Variants in FBXO28 observed in about 807,000 individuals in gnomAD.
The protein encoded by FBXO28 is F-box protein 28.
FBXO28 carries 8 observed loss-of-function variants against 38.1 expected under a neutral mutation model. That is an observed-to-expected ratio of 0.21 (90% CI 0.12 to 0.38). The LOEUF (loss-of-function observed/expected upper bound fraction) is 0.38. Among genes scored for constraint, FBXO28 ranks in the 10% least tolerant of loss-of-function variants. FBXO28 has a pLI of 1.00. For synonymous variants in FBXO28, 168 were observed against 173.8 expected (o/e 0.97, Z 0.26); for missense variants, 345 against 460.6 (o/e 0.75, Z 2.30).
chr1:224,135,554 C>G (rs6426144), intron 3 of FBXO28, among the ~76,000 whole-genome samples: 136,023 of 146,694 alleles, frequency 0.93, 63,865 homozygotes, highest in East Asian at 1. Flanking sequence ...GGAGGTTGCA[C>G]TGAGCCAAGA....
Position 224,161,154 on chromosome 1 carries a change from C to A in FBXO28, c.*3408C>A, listed in dbSNP as rs1040694180. 1 of 152,150 alleles carries A rather than the reference C, an allele frequency of 6.6e-6. No individual in the cohort carries two copies. Among genetic ancestry groups the A allele is most frequent in the Non-Finnish European group, 1.5e-5 (1 of 68,020 alleles). 9.4% of individuals were successfully genotyped at this position (152,150 alleles called of 1,614,324 possible). ...TGAATTAGTTTCTTGGAGGTAGATT[C>A]ATTTCTTGAGTTCTCTGTTTCCTTA... is the stretch of plus-strand genomic sequence containing the variant. On this transcript the variant is annotated 3_prime_UTR_variant, in exon 5 of 5. Coordinates refer to ENST00000366862, the MANE Select transcript of FBXO28 (RefSeq NM_015176.4).
At chr1:224,154,609 C>T (rs1188592501) in intron 4 of FBXO28, among the ~76,000 whole-genome samples, 1 of 151,090 alleles carries the variant, frequency 6.6e-6, no homozygotes, top group East Asian at 2.0e-4. Flanking sequence ...GAGATGGAGA[C>T]CATCCTGGCT....
intron 3 of FBXO28, among the ~76,000 whole-genome samples, chr1:224,143,109 T>TA (rs1161622070): frequency 1.4e-5 from 2 of 147,846 alleles, no homozygotes; most frequent in Non-Finnish European, 3.0e-5. Context: ...GCTAAATAAA[T>TA]ACATATATTA....
intron 3 of FBXO28, among the ~76,000 whole-genome samples, chr1:224,141,545 C>T (rs1217173487): frequency 6.6e-6 from 1 of 151,716 alleles, no homozygotes; most frequent in Non-Finnish European, 1.5e-5. Flanking sequence ...ATTGTTAGGT[C>T]ACTTTGTCAT....
chr1:224,133,010 A>G (rs1417131540), intron 2 of FBXO28, among the ~76,000 whole-genome samples: 2 of 152,208 alleles, frequency 1.3e-5, no homozygotes, highest in African/African-American at 2.4e-5. Context: ...TCAGCTGATG[A>G]GCAAACAAAG....
chr1:224,120,031 A>G (rs555935579), intron 1 of FBXO28, among the ~76,000 whole-genome samples: 116 of 152,334 alleles, frequency 7.6e-4, no homozygotes, highest in African/African-American at 2.6e-3. Flanking sequence ...TCCGTCTCGT[A>G]TCATCATCAT....
intron 3 of FBXO28, among the ~76,000 whole-genome samples, chr1:224,148,621 C>T (rs1354502506): frequency 6.6e-6 from 1 of 151,548 alleles, no homozygotes; most frequent in Non-Finnish European, 1.5e-5. Flanking sequence ...AAGATCGCAC[C>T]ACCGCACTCC....
In FBXO28 at chr1:224,160,648, G is replaced by C. The variant is rs1185019265; in HGVS notation, c.*2902G>C. On this transcript the variant is annotated 3_prime_UTR_variant, in exon 5 of 5. Coordinates refer to ENST00000366862, the MANE Select transcript of FBXO28 (RefSeq NM_015176.4). ...ATAATGGAGCAAACGCAAATGTATT[G>C]AGAGTCATTATACTTTAAAATAGTT... 2 of 151,376 alleles carry C rather than the reference G, an allele frequency of 1.3e-5. No individual in the cohort carries two copies. Among genetic ancestry groups the C allele is most frequent in the African/African-American group, 4.9e-5 (2 of 41,078 alleles). The allele number at this position is 151,376 out of a possible 1,614,324, so 9.4% of individuals were successfully genotyped here.
rs1400151687 is a variant in FBXO28 at position 224,158,039 on chromosome 1, C to A, written c.*293C>A. ...ATGTTGAAAGTAAGTTAATTTGTTT[C>A]TGCATATATGCACATACATACGTAA... On this transcript the variant is annotated 3_prime_UTR_variant, in exon 5 of 5. Coordinates refer to ENST00000366862, the MANE Select transcript of FBXO28 (RefSeq NM_015176.4). 8.8e-7 allele frequency: 1 copy of A among 1,140,890 alleles called. No homozygotes were observed. Among genetic ancestry groups the A allele is most frequent in the African/African-American group, 1.6e-5 (1 of 62,158 alleles). 70.7% of individuals were successfully genotyped at this position (1,140,890 alleles called of 1,614,324 possible).
At chr1:224,138,805 C>T (rs1657262008) in intron 3 of FBXO28, among the ~76,000 whole-genome samples, 1 of 151,370 alleles carries the variant, frequency 6.6e-6, no homozygotes, top group African/African-American at 2.4e-5. Flanking sequence ...GTCTTGAACG[C>T]CTAGACTCAA....
chr1:224,124,114 CA>C (rs1656848247), intron 1 of FBXO28, among the ~76,000 whole-genome samples: 1 of 151,502 alleles, frequency 6.6e-6, no homozygotes, highest in African/African-American at 2.4e-5. Context: ...CCATCTCAAA[CA>C]AAAAAAGACT....
intron 3 of FBXO28, among the ~76,000 whole-genome samples, chr1:224,140,923 G>A (rs1657330156): frequency 1.4e-5 from 2 of 141,942 alleles, no homozygotes; most frequent in Admixed American, 7.4e-5. Flanking sequence ...TCCAGCCTGG[G>A]CAACAGAGTG....
At chr1:224,143,719 C>A (rs1055021912) in intron 3 of FBXO28, among the ~76,000 whole-genome samples, 1 of 151,916 alleles carries the variant, frequency 6.6e-6, no homozygotes, top group Non-Finnish European at 1.5e-5. Context: ...ACCTGTAGTC[C>A]CAGCTACTTG....
At chr1:224,137,830 A>T (rs981061294) in intron 3 of FBXO28, among the ~76,000 whole-genome samples, 24 of 151,830 alleles carry the variant, frequency 1.6e-4, no homozygotes, top group African/African-American at 5.4e-4. Flanking sequence ...TACCTCTCCA[A>T]TTGCAGGCAA....
chr1:224,143,458 C>T (rs887779780), intron 3 of FBXO28, among the ~76,000 whole-genome samples: 1 of 152,116 alleles, frequency 6.6e-6, no homozygotes, highest in Middle Eastern at 3.2e-3. Flanking sequence ...GGGTGGATAA[C>T]GACCTGGTGC....
At chr1:224,152,293 A>G (rs1657666385) in intron 3 of FBXO28, among the ~76,000 whole-genome samples, 1 of 152,178 alleles carries the variant, frequency 6.6e-6, no homozygotes, top group Non-Finnish European at 1.5e-5. Flanking sequence ...TCAGAGAAAC[A>G]AAACTTAAAG....
chr1:224,148,948 G>A (rs1163635415), intron 3 of FBXO28, among the ~76,000 whole-genome samples: 2 of 152,052 alleles, frequency 1.3e-5, no homozygotes, highest in Non-Finnish European at 2.9e-5. Context: ...CTTATACATT[G>A]AACTTATTAC....
intron 3 of FBXO28, among the ~76,000 whole-genome samples, chr1:224,135,642 G>GAA (rs1161298897): frequency 2.9e-5 from 4 of 139,736 alleles, no homozygotes; most frequent in Non-Finnish European, 6.2e-5. Context: ...AAAAGAAAAA[G>GAA]AAAAAGAAAA....
chr1:224,154,744 C>T lies in FBXO28; in HGVS notation c.712+1407C>T, dbSNP rs144115239. 1.2e-3 allele frequency among the ~76,000 whole-genome samples: 177 copies of T among 150,620 alleles called. 1 individual carries two copies. In the East Asian group the frequency reaches 0.028, roughly 24 times the overall value. The stretch of plus-strand genomic sequence containing the variant: ...AATGGCATGAACCCAGGAGGCGGAG[C>T]TTGCAGTGAGCCGAGATTGATCGTG... On this transcript the variant is annotated intron_variant, in intron 4 of 4. Transcript: ENST00000366862.
Sources: allele counts gnomAD v4.1 joint callset (sites outside exome capture counted in the v4.1 genomes callset), GRCh38; gene constraint gnomAD v4.1.1; transcripts MANE v1.5; gene names NCBI Gene and HGNC (gene_info 2026-07-23, HGNC 2026-07-21).